Variants in GPKOW observed in about 807,000 individuals in gnomAD.
The protein encoded by GPKOW is G-patch domain and KOW motifs-containing protein.
For synonymous variants in GPKOW, 167 were observed against 159.1 expected (o/e 1.05, Z -0.37); for missense variants, 359 against 404.7 (o/e 0.89, Z 0.97).
intron 9 of GPKOW, among the ~76,000 whole-genome samples, chrX:49,114,638 G>A (rs2065185147): frequency 9.7e-6 from 1 of 102,711 alleles, no homozygotes; most frequent in Non-Finnish European, 2.0e-5. Flanking sequence ...AAAAAGAAGG[G>A]CCTTTCAGCT....
Position 49,113,912 on chromosome X carries a change from G to A in GPKOW, c.1237C>T (p.Leu413=), listed in dbSNP as rs1557089736. The change falls in exon 10 of 11, where the codon CTG becomes TTG. Residue 413 remains leucine, a synonymous_variant. Coordinates refer to ENST00000156109, the MANE Select transcript of GPKOW (RefSeq NM_015698.6). ...EGLREDMLET[L]VPKAEGDRVM... is the part of the protein sequence containing the mutation. Reference sequence around the variant, plus strand: ...CGGTCACCCTCTGCCTTGGGAACCAGGGTCTCCAGCATGTCTTCCCTCAGG... The same window carrying A: ...CGGTCACCCTCTGCCTTGGGAACCAAGGTCTCCAGCATGTCTTCCCTCAGG... 1 of 1,206,111 alleles carries A rather than the reference G, an allele frequency of 8.3e-7. No individual in the cohort carries two copies. Among genetic ancestry groups the A allele is most frequent in the Non-Finnish European group, 1.1e-6 (1 of 890,593 alleles).
At chrX:49,119,393 G>A (rs1050555635) in intron 4 of GPKOW, among the ~76,000 whole-genome samples, 23 of 111,587 alleles carry the variant, frequency 2.1e-4, no homozygotes, top group Non-Finnish European at 4.3e-4. Context: ...ACAGGCATGA[G>A]CCACTACCTG....
chrX:49,116,799 TCTCA>T (rs2065195244), intron 6 of GPKOW, among the ~76,000 whole-genome samples: 1 of 111,647 alleles, frequency 9.0e-6, no homozygotes, highest in Non-Finnish European at 1.9e-5. Flanking sequence ...ACCTGTTTCT[TCTCA>T]CTCAGACAGG....
intron 5 of GPKOW, 112 bp from the exon 6 acceptor site, chrX:49,117,274 A>G (rs1177839076): frequency 3.8e-6 from 3 of 798,070 alleles, no homozygotes; most frequent in Non-Finnish European, 3.6e-6. Context: ...TGTCTCCCCA[A>G]CCAGACTCTG....
At chrX:49,116,484 T>C (rs900565051) in intron 6 of GPKOW, among the ~76,000 whole-genome samples, 161 bp from the exon 7 acceptor site, 3 of 110,033 alleles carry the variant, frequency 2.7e-5, no homozygotes, top group Non-Finnish European at 5.7e-5. Context: ...ATGCATTTGC[T>C]AGTAGAATGC....
chrX:49,115,740 C>T lies in GPKOW; in HGVS notation c.1196G>A (p.Gly399Asp), dbSNP rs781861861. 1 of 1,207,414 alleles carries T rather than the reference C, an allele frequency of 8.3e-7. No individual in the cohort carries two copies. The highest frequency in any genetic ancestry group is 3.0e-5 in the East Asian group (1 of 33,812). The change falls in exon 9 of 11, where the codon GGC (glycine) becomes GAC (aspartate). Residue 399 changes from glycine (G) to aspartate (D), a missense_variant. Transcript: ENST00000156109. ...CTCAAACTCACCTTCCAGGACTCGG[C>T]CTTCATCTGTCCGACATACACAGGT... ...PDTCVCRTDE[G>D]RVLEGLREDM...
Position 49,122,664 on chromosome X carries a change from C to T in GPKOW, c.289G>A (p.Ala97Thr). ...ACAGCCTGGGACACCACCCCATCCGCCAAGGCCCCAGTATCTGTGGATGGC... is the reference window on the plus strand; with the variant it reads ...ACAGCCTGGGACACCACCCCATCCGTCAAGGCCCCAGTATCTGTGGATGGC... ...PGPSTDTGAL[A>T]DGVVSQAVKE... Residue 97 changes from alanine to threonine, a missense_variant, in exon 2 of 11, where the codon GCG becomes ACG. By Grantham distance (58) the Ala-to-Thr change is moderately conservative. Coordinates refer to ENST00000156109, the MANE Select transcript of GPKOW (RefSeq NM_015698.6). 8.3e-7 allele frequency: 1 copy of T among 1,211,681 alleles called. No homozygotes were observed. Among genetic ancestry groups the T allele is most frequent in the Non-Finnish European group, 1.1e-6 (1 of 895,154 alleles).
intron 4 of GPKOW, among the ~76,000 whole-genome samples, 174 bp from the exon 5 acceptor site, chrX:49,117,984 G>A (rs1174237911): frequency 4.8e-5 from 5 of 103,324 alleles, no homozygotes; most frequent in African/African-American, 7.2e-5. Context: ...ACAATGGCTC[G>A]ATCTCGACTC....
In GPKOW at chrX:49,122,416, G is replaced by A. The variant is rs782451629; in HGVS notation, c.438C>T (p.Ser146=). 7 of 1,168,662 alleles carry A rather than the reference G, an allele frequency of 6.0e-6. No individual in the cohort carries two copies. Among genetic ancestry groups the A allele is most frequent in the South Asian group, 3.9e-5 (2 of 51,913 alleles). ...GCTPSGEGAD[S]EPRAETVPEE... The stretch of plus-strand genomic sequence containing the variant: ...AGCTCACTGTCTCTGCCCGGGGTTC[G>A]CTGTCTGCCCCTTCCCCGCTGGGGG... The change falls in exon 3 of 11, where the codon AGC becomes AGT. Residue 146 remains serine (S), a synonymous_variant. Transcript: ENST00000156109.
intron 4 of GPKOW, 65 bp downstream of exon 4, chrX:49,119,640 A>T (rs1490072928): frequency 4.7e-5 from 31 of 666,516 alleles, no homozygotes; most frequent in South Asian, 3.7e-4. Context: ...TTTGGCAGTG[A>T]CCCTGGGGAT....
At chrX:49,122,310 C>A in intron 3 of GPKOW, 88 bp downstream of exon 3, 1 of 854,702 alleles carries the variant, frequency 1.2e-6, no homozygotes, top group South Asian at 3.0e-5. Flanking sequence ...AGCACACACA[C>A]AGACTTTCCC....
At chrX:49,119,263 T>A (rs2065205389) in intron 4 of GPKOW, among the ~76,000 whole-genome samples, 1 of 110,376 alleles carries the variant, frequency 9.1e-6, no homozygotes, top group Non-Finnish European at 1.9e-5. Context: ...GGCCCTAATT[T>A]CTTTTCTTAA....
intron 4 of GPKOW, among the ~76,000 whole-genome samples, chrX:49,118,292 T>C (rs2065201154): frequency 9.0e-6 from 1 of 111,679 alleles, no homozygotes; most frequent in Non-Finnish European, 1.9e-5. Flanking sequence ...GAAACAGCAA[T>C]TTCATTTGGT....
At position 49,116,240 on chromosome X, in the gene GPKOW, G is replaced by A. The variant is rs1372784411; in HGVS notation, c.997C>T (p.Arg333Trp). Residue 333 changes from arginine (R) to tryptophan (W), a missense_variant, in exon 7 of 11, where the codon CGG becomes TGG. Physicochemically the swap from Arg to Trp is moderately radical, Grantham distance 101. Transcript: ENST00000156109. ...TCCCACCGGTCTGGAAGGTGTTTCC[G>A]CTTCCTCTCTGAGTTGTCCTGCTGG... ...YIQQDNSERK[R>W]KHLPDRQDGP... is the part of the protein sequence containing the mutation. 5.0e-6 allele frequency: 6 copies of A among 1,197,062 alleles called. No individual in the cohort carries two copies. The highest frequency in any genetic ancestry group is 3.0e-5 in the East Asian group (1 of 33,715).
In GPKOW at chrX:49,122,688, G is replaced by A; in HGVS notation, c.265C>T (p.Pro89Ser). ...GCCAAGGCCCCAGTATCTGTGGATG[G>A]CCCAGGGGGCCGGGCTGGTGGCTGC... ...RRQPPARPPGPSTDTGALADG... is the reference protein window; with the variant it reads ...RRQPPARPPGSSTDTGALADG... The change falls in exon 2 of 11, where the codon CCA (proline) becomes TCA (serine). Residue 89 changes from proline to serine, a missense_variant. Transcript: ENST00000156109. 1.7e-6 allele frequency: 2 copies of A among 1,210,216 alleles called. No homozygotes were observed. Among genetic ancestry groups the A allele is most frequent in the Non-Finnish European group, 2.2e-6 (2 of 894,122 alleles).
intron 6 of GPKOW, 71 bp from the exon 7 acceptor site, chrX:49,116,394 G>T: frequency 1.5e-6 from 1 of 681,697 alleles, no homozygotes; most frequent in Non-Finnish European, 2.4e-6. Context: ...GAGCCTCAGT[G>T]TCTCACTGCC....
At chrX:49,122,308 C>T in intron 3 of GPKOW, 90 bp downstream of exon 3, 3 of 843,316 alleles carry the variant, frequency 3.6e-6, no homozygotes, top group Non-Finnish European at 4.8e-6. Context: ...CTAGCACACA[C>T]ACAGACTTTC....
intron 4 of GPKOW, among the ~76,000 whole-genome samples, chrX:49,119,415 T>A (rs1006267559): frequency 9.0e-6 from 1 of 111,664 alleles, no homozygotes. Flanking sequence ...CCTATGTGTA[T>A]AATTTCATTT....
At chrX:49,117,305 G>T (rs1769705292) in intron 5 of GPKOW, 143 bp from the exon 6 acceptor site, 1 of 602,725 alleles carries the variant, frequency 1.7e-6, no homozygotes, top group Admixed American at 3.6e-5. Flanking sequence ...AGTGGGACCA[G>T]GTCTGGTTCC....
Sources: allele counts gnomAD v4.1 joint callset (sites outside exome capture counted in the v4.1 genomes callset), GRCh38; gene constraint gnomAD v4.1.1; transcripts MANE v1.5; gene names NCBI Gene and HGNC (gene_info 2026-07-23, HGNC 2026-07-21).